The following ANOS1 variants were observed in gnomAD, a reference collection of about 807,000 sequenced individuals.
ANOS1 encodes the protein anosmin 1, also known as anosmin-1.
ANOS1 carries 6 observed loss-of-function variants against 59.0 expected under a neutral mutation model. That is an observed-to-expected ratio of 0.10 (90% CI 0.06 to 0.20). The LOEUF (loss-of-function observed/expected upper bound fraction) is 0.20. Among genes scored for constraint, ANOS1 ranks in the 10% least tolerant of loss-of-function variants. ANOS1 has a pLI of 1.00. For missense variants in ANOS1, 433 were observed against 542.3 expected, an observed-to-expected ratio of 0.80 and a Z score of 2.00; for synonymous variants, 217 against 223.4, an observed-to-expected ratio of 0.97 and a Z score of 0.25.
chrX:8,726,774 G>C (rs573649074), intron 1 of ANOS1, among the ~76,000 whole-genome samples: 36 of 111,980 alleles, frequency 3.2e-4, no homozygotes, highest in African/African-American at 1.0e-3. Flanking sequence ...TGAAGCATAG[G>C]GCATGAAGTC....
chrX:8,638,271 C>T (rs5978929), intron 2 of ANOS1, among the ~76,000 whole-genome samples: 3,768 of 112,299 alleles, frequency 0.034, 149 homozygotes, highest in African/African-American at 0.11. Flanking sequence ...ACCCTTGTGA[C>T]ATCAAAAATG....
intron 8 of ANOS1, among the ~76,000 whole-genome samples, chrX:8,557,874 CAT>C (rs749945610): frequency 3.6e-5 from 4 of 111,957 alleles, no homozygotes; most frequent in Non-Finnish European, 5.6e-5. Context: ...CACATGCACA[CAT>C]ATGTTTATTG....
chrX:8,645,800 C>T (rs7882948), intron 2 of ANOS1, among the ~76,000 whole-genome samples: 4,193 of 111,490 alleles, frequency 0.038, 219 homozygotes, highest in African/African-American at 0.13. Flanking sequence ...CAAACTAAGG[C>T]GCCTGCCACC....
At chrX:8,713,748 G>T (rs1475193818) in intron 1 of ANOS1, among the ~76,000 whole-genome samples, 4 of 110,112 alleles carry the variant, frequency 3.6e-5, no homozygotes, top group African/African-American at 1.3e-4. Flanking sequence ...AAGGAGCTGG[G>T]ATTACAGGCG....
At chrX:8,597,714 C>T (rs1459762216) in intron 3 of ANOS1, among the ~76,000 whole-genome samples, 1 of 85,866 alleles carries the variant, frequency 1.2e-5, no homozygotes, top group Non-Finnish European at 2.1e-5. Context: ...TTTGTCACCC[C>T]AGGCTGGAGT....
rs766186192 is a variant in ANOS1 at position 8,535,825 on chromosome X, A to G, written c.1622-14T>C. ...AAAGAACATGACCTGCAGCAATGCA[A>G]GAAGGAAAACCAGGATTAGGCGACT... On this transcript the variant is annotated splice_polypyrimidine_tract_variant and intron_variant, in intron 11 of 13. Transcript: ENST00000262648. The G allele has an allele frequency of 8.5e-7, 1 of 1,177,154 alleles. No homozygotes were observed. The highest frequency in any genetic ancestry group is 1.8e-5 in the South Asian group (1 of 56,229).
intron 2 of ANOS1, among the ~76,000 whole-genome samples, chrX:8,638,541 G>A (rs1282786884): frequency 8.9e-6 from 1 of 111,871 alleles, no homozygotes; most frequent in Non-Finnish European, 1.9e-5. Flanking sequence ...GATCAAAGCC[G>A]TGAGACAAAG....
chrX:8,536,126 T>C (rs1929586241), intron 11 of ANOS1, among the ~76,000 whole-genome samples: 1 of 105,397 alleles, frequency 9.5e-6, no homozygotes, highest in Non-Finnish European at 1.9e-5. Flanking sequence ...TCTTAAAGAA[T>C]AGCATTGACT....
chrX:8,681,926 C>T (rs191209566), intron 2 of ANOS1, among the ~76,000 whole-genome samples: 35 of 111,537 alleles, frequency 3.1e-4, no homozygotes, highest in Non-Finnish European at 3.4e-4. Flanking sequence ...TGTCAAATTA[C>T]TCCTAATGTA....
At chrX:8,708,768 T>C (rs1465477603) in intron 1 of ANOS1, among the ~76,000 whole-genome samples, 1 of 112,109 alleles carries the variant, frequency 8.9e-6, no homozygotes, top group East Asian at 2.8e-4. Context: ...ACTGGGTATA[T>C]ACCCAAAGGA....
At chrX:8,537,861 C>T (rs1341435089) in intron 10 of ANOS1, among the ~76,000 whole-genome samples, 1 of 110,558 alleles carries the variant, frequency 9.0e-6, no homozygotes, top group African/African-American at 3.3e-5. Context: ...GGTAGGGGAT[C>T]TTGCTAGAAA....
At chrX:8,715,608 C>T (rs1296505921) in intron 1 of ANOS1, among the ~76,000 whole-genome samples, 1 of 110,256 alleles carries the variant, frequency 9.1e-6, no homozygotes, top group African/African-American at 3.3e-5. Flanking sequence ...AAAGCACACA[C>T]GAGAGATCTG....
intron 9 of ANOS1, among the ~76,000 whole-genome samples, chrX:8,544,026 T>C (rs894651934): frequency 1.8e-5 from 2 of 110,269 alleles, no homozygotes; most frequent in African/African-American, 6.6e-5. Context: ...TTTTAAGTGA[T>C]AAAAAATTTA....
intron 3 of ANOS1, among the ~76,000 whole-genome samples, chrX:8,608,729 G>C (rs1181025962): frequency 9.0e-6 from 1 of 111,357 alleles, no homozygotes. Context: ...TTGAATCATG[G>C]GGGCAGTTTC....
intron 2 of ANOS1, among the ~76,000 whole-genome samples, chrX:8,683,674 G>A (rs1326881891): frequency 2.7e-5 from 3 of 111,874 alleles, no homozygotes; most frequent in Admixed American, 1.9e-4. Flanking sequence ...CAACGCCATT[G>A]CCCCCATTTC....
intron 2 of ANOS1, among the ~76,000 whole-genome samples, chrX:8,647,044 C>A (rs764558056): frequency 6.0e-4 from 66 of 109,651 alleles, no homozygotes; most frequent in African/African-American, 2.2e-3. Context: ...GAGCATAGAA[C>A]GCTTTGTTCT....
At chrX:8,574,414 A>G (rs1027335221) in intron 6 of ANOS1, among the ~76,000 whole-genome samples, 19 of 110,841 alleles carry the variant, frequency 1.7e-4, no homozygotes, top group African/African-American at 6.2e-4. Context: ...GGATTGAAGG[A>G]TGCAAAGTGT....
rs376039658 is a variant in ANOS1, at chrX:8,681,003, C to T, written c.255+18695G>A. Reference sequence around the variant, plus strand: ...GAAGAGAAAAATAACTCATATTATCCGCATAACAAGCCTTAGTAAACAAGC... The same window carrying T: ...GAAGAGAAAAATAACTCATATTATCTGCATAACAAGCCTTAGTAAACAAGC... On this transcript the variant is annotated intron_variant, in intron 2 of 13. Coordinates refer to ENST00000262648, the MANE Select transcript of ANOS1 (RefSeq NM_000216.4). Among the ~76,000 whole-genome samples the T allele has an allele frequency of 1.1e-3, 128 of 111,362 alleles. 1 individual carries two copies. Among genetic ancestry groups the T allele is most frequent in the African/African-American group, 4.1e-3 (125 of 30,608 alleles).
intron 8 of ANOS1, among the ~76,000 whole-genome samples, chrX:8,561,466 ATTTTTTTTT>A (rs34119310): frequency 1.5e-5 from 1 of 67,059 alleles, no homozygotes. Context: ...TGCCCGGCTA[ATTTTTTTTT>A]TTTTTTTTTT....
Sources: gnomAD v4.1 joint callset for allele counts (sites outside exome capture counted in the v4.1 genomes callset) on GRCh38, gnomAD v4.1.1 for gene constraint, MANE v1.5 for transcripts, NCBI Gene and HGNC (gene_info 2026-07-23, HGNC 2026-07-21) for gene names.